Variants in MBOAT1 observed in about 807,000 individuals in gnomAD.
The protein encoded by MBOAT1 is membrane bound glycerophospholipid O-acyltransferase 1.
In MBOAT1, 67 loss-of-function variants were observed where a neutral mutation model predicts 64.4. That is an observed-to-expected ratio of 1.04 (90% CI 0.85 to 1.27). The LOEUF is 1.27. MBOAT1 is among the 50% of genes most tolerant of loss of function. MBOAT1 has a pLI of 0.00. For synonymous variants in MBOAT1, 229 were observed against 218.9 expected (o/e 1.05, Z -0.41); for missense variants, 563 against 604.6 (o/e 0.93, Z 0.72).
Position 20,126,660 on chromosome 6 carries a change from T to A in MBOAT1, c.571A>T (p.Asn191Tyr). 6.2e-7 allele frequency: 1 copy of A among 1,612,938 alleles called. No homozygotes were observed. The highest frequency in any genetic ancestry group is 1.1e-5 in the South Asian group (1 of 90,704). The change falls in exon 7 of 13, where the codon AAT (asparagine) becomes TAT (tyrosine). Residue 191 changes from asparagine (N) to tyrosine (Y), a missense_variant. Coordinates refer to ENST00000324607, the MANE Select transcript of MBOAT1 (RefSeq NM_001080480.3). ...SFLEYLSYLL[N>Y]FMSVIAGPCN... ...GGACCAGCTATGACACTCATGAAATTGAGAAGGTAACTTAAGTATTCCAAA... is the reference window on the plus strand; with the variant it reads ...GGACCAGCTATGACACTCATGAAATAGAGAAGGTAACTTAAGTATTCCAAA...
chr6:20,131,255 G>A (rs1760820304), intron 4 of MBOAT1, 56 bp from the exon 5 acceptor site: 2 of 1,492,168 alleles, frequency 1.3e-6, no homozygotes, highest in Non-Finnish European at 1.9e-6. Context: ...GATGTGGTCT[G>A]GCTGTGCCCC....
intron 3 of MBOAT1, among the ~76,000 whole-genome samples, 162 bp from the exon 4 acceptor site, chr6:20,144,477 G>A (rs1489797462): frequency 6.6e-6 from 1 of 152,058 alleles, no homozygotes; most frequent in African/African-American, 2.4e-5. Flanking sequence ...TACTCTAGCT[G>A]AACCCCTCAT....
In MBOAT1 at chr6:20,144,303, A is replaced by C. The variant is rs750560677; in HGVS notation, c.336T>G (p.Phe112Leu). 1.2e-6 allele frequency: 2 copies of C among 1,608,432 alleles called. No individual in the cohort carries two copies. Among genetic ancestry groups the C allele is most frequent in the East Asian group, 2.2e-5 (1 of 44,834 alleles). Reference protein sequence around the residue: ...SVSNIHRYSFFVAMGYLTICH... With the variant: ...SVSNIHRYSFLVAMGYLTICH... ...ATATTGTAAGATATCCCATTGCTAC[A>C]AAAAAGGAATATCTGAAAGCAAAAA... Residue 112 changes from phenylalanine (F) to leucine (L), a missense_variant, in exon 4 of 13, where the codon TTT becomes TTG. Phe to Leu is a conservative substitution (Grantham distance 22, BLOSUM62 0). Transcript: ENST00000324607.
intron 1 of MBOAT1, among the ~76,000 whole-genome samples, chr6:20,184,256 AG>A: frequency 6.6e-6 from 1 of 152,332 alleles, no homozygotes; most frequent in Non-Finnish European, 1.5e-5. Context: ...CCCAGGTGCC[AG>A]CGCTGATGTG....
chr6:20,144,370 A>G lies in MBOAT1; in HGVS notation c.324-55T>C, dbSNP rs571266939. 9 of 1,107,944 alleles carry G rather than the reference A, an allele frequency of 8.1e-6. No homozygotes were observed. In the Admixed American group the frequency reaches 9.1e-5, roughly 11 times the overall value. The allele number at this position is 1,107,944 out of a possible 1,614,324, so 68.6% of individuals were successfully genotyped here. A position where few individuals can be genotyped will look rare whatever the true frequency, so the allele number is the denominator to read the frequency against. Reference sequence around the variant, plus strand: ...ATTATGCATAGCAATAATGCACTCAATTAATGTTCCCCTCTTCCTCTCTTT... The same window carrying G: ...ATTATGCATAGCAATAATGCACTCAGTTAATGTTCCCCTCTTCCTCTCTTT... On this transcript the variant is annotated intron_variant, in intron 3 of 12. Coordinates refer to ENST00000324607, the MANE Select transcript of MBOAT1 (RefSeq NM_001080480.3).
Position 20,111,857 on chromosome 6 carries a change from T to C in MBOAT1, c.1209+1019A>G, listed in dbSNP as rs753783413. On this transcript the variant is annotated intron_variant, in intron 11 of 12. Coordinates refer to ENST00000324607, the MANE Select transcript of MBOAT1 (RefSeq NM_001080480.3). ...ATACACATATATATACATATATATA[T>C]ACATATATATACATATATATATGTA... Among the ~76,000 whole-genome samples the C allele has an allele frequency of 3.7e-3, 414 of 113,380 alleles. 2 individuals carry two copies. Among genetic ancestry groups the C allele is most frequent in the East Asian group, 9.4e-3 (37 of 3,934 alleles). The allele number at this position is 113,380 out of a possible 152,430, so 74.4% of individuals were successfully genotyped here.
intron 5 of MBOAT1, 128 bp from the exon 6 acceptor site, chr6:20,128,881 C>A (rs1760736101): frequency 1.2e-5 from 8 of 663,452 alleles, no homozygotes; most frequent in South Asian, 2.1e-5. Flanking sequence ...TAAAGAGTTC[C>A]TGTTTTTCAT....
intron 12 of MBOAT1, among the ~76,000 whole-genome samples, chr6:20,107,885 C>A (rs1039786759): frequency 6.6e-6 from 1 of 151,986 alleles, no homozygotes; most frequent in Admixed American, 6.5e-5. Flanking sequence ...ATTTGGACAG[C>A]CCCTGCAGAC....
At chr6:20,179,519 G>A (rs1762447696) in intron 1 of MBOAT1, among the ~76,000 whole-genome samples, 1 of 152,138 alleles carries the variant, frequency 6.6e-6, no homozygotes. Flanking sequence ...AGTATTCCAT[G>A]GTGTATATGT....
chr6:20,204,033 T>C (rs1394095351), intron 1 of MBOAT1, among the ~76,000 whole-genome samples: 1 of 152,254 alleles, frequency 6.6e-6, no homozygotes, highest in East Asian at 1.9e-4. Context: ...GAATCACTAA[T>C]AAAAGACAAT....
At chr6:20,121,025 A>G (rs979159150) in intron 8 of MBOAT1, among the ~76,000 whole-genome samples, 7 of 152,244 alleles carry the variant, frequency 4.6e-5, no homozygotes, top group African/African-American at 1.7e-4. Flanking sequence ...AGCCTGGACT[A>G]AAGTTAAGTC....
At chr6:20,177,785 A>C (rs750433582) in intron 1 of MBOAT1, among the ~76,000 whole-genome samples, 4,624 of 148,024 alleles carry the variant, frequency 0.031, 110 homozygotes, top group Non-Finnish European at 0.047. Context: ...AAAAAAAAAA[A>C]AAAAAACAAA....
chr6:20,177,688 G>T (rs1762383545), intron 1 of MBOAT1, among the ~76,000 whole-genome samples: 1 of 151,292 alleles, frequency 6.6e-6, no homozygotes, highest in Non-Finnish European at 1.5e-5. Context: ...GCAGGAGAAC[G>T]GCGTGAACCT....
intron 4 of MBOAT1, among the ~76,000 whole-genome samples, chr6:20,141,036 T>C (rs1266010791): frequency 6.6e-6 from 1 of 151,910 alleles, no homozygotes; most frequent in Non-Finnish European, 1.5e-5. Context: ...TCCAAATGCA[T>C]GACTCTGGGG....
intron 1 of MBOAT1, among the ~76,000 whole-genome samples, chr6:20,167,919 G>A (rs1367977484): frequency 6.6e-6 from 1 of 152,114 alleles, no homozygotes; most frequent in South Asian, 2.1e-4. Flanking sequence ...CAACACAGTG[G>A]CAAGGAGAAA....
At chr6:20,177,579 A>C (rs4712457) in intron 1 of MBOAT1, among the ~76,000 whole-genome samples, 100,911 of 151,218 alleles carry the variant, frequency 0.67, 34,116 homozygotes, top group African/African-American at 0.77. Flanking sequence ...TGAGACCATC[A>C]TGGCTACCAC....
chr6:20,112,643 T>C (rs538945301), intron 11 of MBOAT1, among the ~76,000 whole-genome samples: 7 of 152,348 alleles, frequency 4.6e-5, no homozygotes, highest in African/African-American at 1.4e-4. Context: ...AAAATTCCTT[T>C]TGTTTCACGA....
chr6:20,123,227 A>G (rs1266796915), intron 8 of MBOAT1, among the ~76,000 whole-genome samples: 13 of 152,202 alleles, frequency 8.5e-5, no homozygotes, highest in Non-Finnish European at 1.9e-4. Context: ...GAGAAGAGGA[A>G]CTCAAGGAAT....
intron 8 of MBOAT1, among the ~76,000 whole-genome samples, chr6:20,121,726 G>A (rs2457330): frequency 0.24 from 36,410 of 152,094 alleles, 4,711 homozygotes; most frequent in East Asian, 0.42. Flanking sequence ...ATGGGAGCAG[G>A]AGGATAGGAA....
Sources: allele counts gnomAD v4.1 joint callset (sites outside exome capture counted in the v4.1 genomes callset), GRCh38; gene constraint gnomAD v4.1.1; transcripts MANE v1.5; gene names NCBI Gene and HGNC (gene_info 2026-07-23, HGNC 2026-07-21).